PIEZO2: variants seen among roughly 807,000 people sequenced by gnomAD.
PIEZO2 encodes the protein piezo-type mechanosensitive ion channel component 2.
In PIEZO2, 172 loss-of-function variants were observed where a neutral mutation model predicts 337.3. That is an observed-to-expected ratio of 0.51 (90% CI 0.45 to 0.58). The LOEUF is 0.58. Ranked by LOEUF, PIEZO2 falls within the 20% of genes least tolerant of loss-of-function variation. The probability of loss-of-function intolerance (pLI) is 0.00; values close to 1 mark genes in which losing one functional copy is unlikely to be tolerated. For missense variants in PIEZO2, 3,028 were observed against 3,391.3 expected (o/e 0.89, Z 2.66); for synonymous variants, 1,251 against 1,228.5 (o/e 1.02, Z -0.38).
At chr18:11,108,991 C>A (rs1307785967) in intron 1 of PIEZO2, among the ~76,000 whole-genome samples, 2 of 152,198 alleles carry the variant, frequency 1.3e-5, no homozygotes, top group Non-Finnish European at 2.9e-5. Flanking sequence ...CAGAACTTGC[C>A]CCCTGTCAGT....
chr18:10,989,317 A>C (rs1480358185), intron 2 of PIEZO2, among the ~76,000 whole-genome samples: 3 of 152,148 alleles, frequency 2.0e-5, no homozygotes, highest in Non-Finnish European at 2.9e-5. Flanking sequence ...AGATCAATAC[A>C]TATAGAAAAA....
At chr18:10,809,109 GAAT>G (rs2040093470) in intron 7 of PIEZO2, among the ~76,000 whole-genome samples, 2 of 151,988 alleles carry the variant, frequency 1.3e-5, no homozygotes, top group South Asian at 2.1e-4. Flanking sequence ...CACTAACACT[GAAT>G]AATAAGACTT....
Position 10,689,642 on chromosome 18 carries a change from C to T in PIEZO2, c.7497+13G>A. Reference sequence around the variant, plus strand: ...AAGCAGACAGGAATAAGGCACATCTCCTGGCTTCTTACCTTCTCCGACTCC... The same window carrying T: ...AAGCAGACAGGAATAAGGCACATCTTCTGGCTTCTTACCTTCTCCGACTCC... On this transcript the variant is annotated intron_variant, in intron 49 of 55. Transcript: ENST00000674853. 6.2e-7 allele frequency: 1 copy of T among 1,614,154 alleles called. No individual in the cohort carries two copies. The highest frequency in any genetic ancestry group is 1.3e-5 in the African/African-American group (1 of 75,050).
chr18:11,008,834 A>C lies in PIEZO2; in HGVS notation c.161-29174T>G, dbSNP rs559728362. 1.3e-4 allele frequency among the ~76,000 whole-genome samples: 20 copies of C among 152,310 alleles called. No individual in the cohort carries two copies. The East Asian group carries it at 3.9e-3, about 29-fold the overall frequency. ...AGGCCAGCTAGGTGATTTAAGGGTA[A>C]GCGGGTGTTCTAAAGGCTTAAGTTT... On this transcript the variant is annotated intron_variant, in intron 2 of 55. Transcript: ENST00000674853.
intron 3 of PIEZO2, among the ~76,000 whole-genome samples, chr18:10,958,550 C>G (rs1043144039): frequency 1.3e-5 from 2 of 151,922 alleles, no homozygotes; most frequent in African/African-American, 4.8e-5. Context: ...ACATTTTTAC[C>G]ACAAAAATAA....
chr18:11,136,470 T>C (rs574716607), intron 1 of PIEZO2, among the ~76,000 whole-genome samples: 4 of 152,394 alleles, frequency 2.6e-5, no homozygotes, highest in East Asian at 1.9e-4. Flanking sequence ...CTGTGTGCTA[T>C]AGCAGCCTTG....
intron 4 of PIEZO2, among the ~76,000 whole-genome samples, chr18:10,907,441 C>T (rs1417349757): frequency 7.8e-6 from 1 of 128,462 alleles, no homozygotes; most frequent in Non-Finnish European, 1.7e-5. Flanking sequence ...AAGACTCTGT[C>T]TCAAAAAAAA....
intron 4 of PIEZO2, among the ~76,000 whole-genome samples, chr18:10,875,736 T>G (rs1035189852): frequency 3.3e-5 from 5 of 152,220 alleles, no homozygotes; most frequent in African/African-American, 1.2e-4. Context: ...CCTTATATCT[T>G]TCCCACCTGT....
In PIEZO2 at chr18:11,129,046, T is replaced by G. The variant is rs12458528; in HGVS notation, c.64+19479A>C. Among the ~76,000 whole-genome samples, 45,864 of 152,074 alleles carry G rather than the reference T, an allele frequency of 0.3. 8,499 individuals are homozygous for G. The highest frequency in any genetic ancestry group is 0.46 in the Middle Eastern group (134 of 294). On this transcript the variant is annotated intron_variant, in intron 1 of 55. Coordinates refer to ENST00000674853, the MANE Select transcript of PIEZO2 (RefSeq NM_001378183.1). This position sits in a 1 kb window ranked among gnomAD's most constrained non-coding sequence, Gnocchi z 4.6. ...ATGTGGATTAAAAGATGGCCCACTA[T>G]GAGCGAGCTGGAAATGCCTGATCTC...
intron 2 of PIEZO2, among the ~76,000 whole-genome samples, chr18:11,020,089 T>G (rs2036256966): frequency 6.6e-6 from 1 of 152,214 alleles, no homozygotes; most frequent in Non-Finnish European, 1.5e-5. Flanking sequence ...GCTTCAATTT[T>G]CTAATTTTAA....
chr18:11,139,308 G>C (rs1341487473), intron 1 of PIEZO2, among the ~76,000 whole-genome samples: 1 of 152,288 alleles, frequency 6.6e-6, no homozygotes, highest in African/African-American at 2.4e-5. Context: ...TCTTAGTCAA[G>C]ATAGTACATT....
chr18:11,060,780 G>A (rs1395109737), intron 2 of PIEZO2, among the ~76,000 whole-genome samples: 2 of 152,080 alleles, frequency 1.3e-5, no homozygotes, highest in South Asian at 2.1e-4. Context: ...TTACCAACCA[G>A]AAAAAGTCCA....
At chr18:10,916,327 G>A (rs974775539) in intron 3 of PIEZO2, among the ~76,000 whole-genome samples, 16 of 152,260 alleles carry the variant, frequency 1.1e-4, no homozygotes, top group African/African-American at 1.9e-4. Context: ...ACCAGGAGCC[G>A]CCTAGCAGGG....
intron 7 of PIEZO2, among the ~76,000 whole-genome samples, chr18:10,826,490 T>C (rs2040681641): frequency 6.6e-6 from 1 of 152,236 alleles, no homozygotes; most frequent in Non-Finnish European, 1.5e-5. Context: ...ATTTCAGAAC[T>C]GATAACATGT....
At chr18:11,133,639 C>G (rs2040400456) in intron 1 of PIEZO2, among the ~76,000 whole-genome samples, 1 of 152,112 alleles carries the variant, frequency 6.6e-6, no homozygotes, top group Non-Finnish European at 1.5e-5. Context: ...CAGTCTATAT[C>G]TTTGTCCTGT....
intron 2 of PIEZO2, among the ~76,000 whole-genome samples, chr18:10,996,659 G>A (rs933060868): frequency 6.6e-6 from 1 of 152,178 alleles, no homozygotes; most frequent in South Asian, 2.1e-4. Context: ...GCATGTATCA[G>A]TACTTCATTC....
chr18:11,086,978 A>G (rs1300755920), intron 1 of PIEZO2, among the ~76,000 whole-genome samples: 1 of 152,164 alleles, frequency 6.6e-6, no homozygotes, highest in Admixed American at 6.5e-5. Context: ...TGTCCCCCCA[A>G]AATTCCTATG....
chr18:11,127,744 T>C lies in PIEZO2; in HGVS notation c.64+20781A>G, dbSNP rs565289067. The stretch of plus-strand genomic sequence containing the variant: ...ATACACACATATATATGTATGTGTA[T>C]ATATATGACATATATAGGTATATAT... On this transcript the variant is annotated intron_variant, in intron 1 of 55. Coordinates refer to ENST00000674853, the MANE Select transcript of PIEZO2 (RefSeq NM_001378183.1). This position sits in a 1 kb window ranked among gnomAD's most constrained non-coding sequence, Gnocchi z 4.5. Among the ~76,000 whole-genome samples the C allele has an allele frequency of 6.6e-6, 1 of 151,332 alleles. No individual in the cohort carries two copies. Among genetic ancestry groups the C allele is most frequent in the Non-Finnish European group, 1.5e-5 (1 of 67,928 alleles).
At chr18:10,822,438 A>C (rs2040545604) in intron 7 of PIEZO2, among the ~76,000 whole-genome samples, 1 of 152,202 alleles carries the variant, frequency 6.6e-6, no homozygotes, top group Non-Finnish European at 1.5e-5. Context: ...GTGATGGCTA[A>C]AAATACCTTT....
Sources: allele counts gnomAD v4.1 joint callset (sites outside exome capture counted in the v4.1 genomes callset), GRCh38; gene constraint gnomAD v4.1.1; non-coding constraint Gnocchi (gnomAD v3.1); transcripts MANE v1.5; gene names NCBI Gene and HGNC (gene_info 2026-07-23, HGNC 2026-07-21).